Variants in FYN observed in about 807,000 individuals in gnomAD.
FYN encodes tyrosine-protein kinase Fyn.
A neutral mutation model predicts 70.2 loss-of-function variants in FYN; 10 were observed. The ratio of observed to expected loss-of-function variants is 0.14; its 90% CI spans 0.09 to 0.24. FYN has a LOEUF of 0.24. FYN is among the 10% of genes least tolerant of loss of function. The pLI, the probability that FYN is intolerant of heterozygous loss-of-function variation, is 1.00. For synonymous variants in FYN, 236 were observed against 248.6 expected, an observed-to-expected ratio of 0.95 and a Z score of 0.48; for missense variants, 319 against 673.1, an observed-to-expected ratio of 0.47 and a Z score of 5.82.
At chr6:111,824,738 T>C (rs1772779104) in intron 2 of FYN, among the ~76,000 whole-genome samples, 1 of 152,170 alleles carries the variant, frequency 6.6e-6, no homozygotes, top group Non-Finnish European at 1.5e-5. Flanking sequence ...CCTTCTTTCA[T>C]TTTCAGACCC....
intron 2 of FYN, among the ~76,000 whole-genome samples, chr6:111,787,562 A>C (rs1437801722): frequency 6.6e-6 from 1 of 152,208 alleles, no homozygotes; most frequent in Non-Finnish European, 1.5e-5. Flanking sequence ...CAGGCAACTG[A>C]CCAGTTCAAA....
At chr6:111,756,179 A>G (rs1039726480) in intron 3 of FYN, among the ~76,000 whole-genome samples, 20 of 152,170 alleles carry the variant, frequency 1.3e-4, no homozygotes, top group Admixed American at 2.0e-4. Flanking sequence ...AGATTCAGCA[A>G]GGATTAAATA....
At chr6:111,731,204 G>A (rs937314490) in intron 3 of FYN, among the ~76,000 whole-genome samples, 1 of 152,220 alleles carries the variant, frequency 6.6e-6, no homozygotes, top group African/African-American at 2.4e-5. Context: ...AGATGATTCT[G>A]CAAATGTGGC....
At chr6:111,770,572 A>G (rs1803405519) in intron 3 of FYN, among the ~76,000 whole-genome samples, 1 of 152,210 alleles carries the variant, frequency 6.6e-6, no homozygotes, top group East Asian at 1.9e-4. Flanking sequence ...GACCCAAGCT[A>G]ATCAGGTCTG....
At position 111,696,259 on chromosome 6, in the gene FYN, G is replaced by C. The variant is rs764593100; in HGVS notation, c.1042+18C>G. ...CTTAAGGCACTGTGAGCTGGAGACA[G>C]GAGAGGTGTTGCCCAACCTTTGTTC... On this transcript the variant is annotated intron_variant, in intron 10 of 13. Transcript: ENST00000354650. The C allele has an allele frequency of 5.6e-6, 9 of 1,593,102 alleles. No individual in the cohort carries two copies. The Admixed American group carries it at 1.6e-4, about 28-fold the overall frequency.
intron 2 of FYN, among the ~76,000 whole-genome samples, chr6:111,841,777 GA>G (rs1460654031): frequency 1.3e-5 from 2 of 151,162 alleles, no homozygotes; most frequent in Non-Finnish European, 3.0e-5. Flanking sequence ...TAGGAAGAGG[GA>G]TTTTTTTTTT....
rs141566671 is a variant in FYN at position 111,849,955 on chromosome 6, G to C, written c.-122-3326C>G. On this transcript the variant is annotated intron_variant, in intron 1 of 13. Transcript: ENST00000354650. Reference sequence around the variant, plus strand: ...TAGACTGTCAGCTTCTTGGTGACTGGGACTACACCAAGCATGGTACCTGCA... The same window carrying C: ...TAGACTGTCAGCTTCTTGGTGACTGCGACTACACCAAGCATGGTACCTGCA... Among the ~76,000 whole-genome samples, 616 of 152,282 alleles carry C rather than the reference G, an allele frequency of 4.0e-3. 7 individuals are homozygous for C. The highest frequency in any genetic ancestry group is 0.014 in the African/African-American group (596 of 41,542).
chr6:111,687,041 G>A (rs1799038158), intron 12 of FYN, among the ~76,000 whole-genome samples: 1 of 152,230 alleles, frequency 6.6e-6, no homozygotes, highest in South Asian at 2.1e-4. Flanking sequence ...AATGGCTACT[G>A]TGCTTTTTGA....
intron 2 of FYN, among the ~76,000 whole-genome samples, chr6:111,842,000 C>CAA (rs1562541391): frequency 6.6e-6 from 1 of 152,060 alleles, no homozygotes; most frequent in East Asian, 1.9e-4. Context: ...CACACACACA[C>CAA]ACACACACAC....
At chr6:111,778,592 G>A (rs1771043779) in intron 3 of FYN, among the ~76,000 whole-genome samples, 2 of 146,706 alleles carry the variant, frequency 1.4e-5, no homozygotes, top group Non-Finnish European at 1.5e-5. Context: ...TTTTTTAGAT[G>A]GCGTCTCGCT....
At chr6:111,870,276 C>T (rs1387835359) in intron 1 of FYN, among the ~76,000 whole-genome samples, 3 of 152,130 alleles carry the variant, frequency 2.0e-5, no homozygotes, top group Non-Finnish European at 4.4e-5. Context: ...AAACAGGTTA[C>T]GATGATAAGC....
intron 2 of FYN, among the ~76,000 whole-genome samples, chr6:111,807,910 C>G (rs112938874): frequency 2.6e-4 from 39 of 152,142 alleles, no homozygotes; most frequent in African/African-American, 9.4e-4. Context: ...GAGTTCAAGA[C>G]CAGCTTGGTC....
intron 12 of FYN, among the ~76,000 whole-genome samples, chr6:111,686,709 G>A (rs1168718600): frequency 6.6e-6 from 1 of 152,086 alleles, no homozygotes; most frequent in Non-Finnish European, 1.5e-5. Context: ...CACACTGTGC[G>A]GGAATGGCAA....
At chr6:111,763,913 T>A (rs1390599345) in intron 3 of FYN, among the ~76,000 whole-genome samples, 1 of 152,068 alleles carries the variant, frequency 6.6e-6, no homozygotes, top group Non-Finnish European at 1.5e-5. Context: ...TTAAATGCAA[T>A]AAGGTGTGGG....
Position 111,661,968 on chromosome 6 carries a change from A to G in FYN, c.1406-21T>C. 6.3e-7 allele frequency: 1 copy of G among 1,580,110 alleles called. No homozygotes were observed. Among genetic ancestry groups the G allele is most frequent in the Non-Finnish European group, 8.6e-7 (1 of 1,161,002 alleles). ...CATGCCTGCAAAGACAAGCGCAGTG[A>G]GAGTGGGCACCCCGGGGATCCAGGC... On this transcript the variant is annotated intron_variant, in intron 13 of 13. Coordinates refer to ENST00000354650, the MANE Select transcript of FYN (RefSeq NM_002037.5). The surrounding 1 kb of genome is among the most constrained non-coding windows in gnomAD (Gnocchi z 4.0).
chr6:111,729,920 T>A (rs924662262), intron 3 of FYN, among the ~76,000 whole-genome samples: 1 of 152,238 alleles, frequency 6.6e-6, no homozygotes, highest in African/African-American at 2.4e-5. Context: ...ATAATGAGAA[T>A]AAATCACCTT....
At position 111,699,980 on chromosome 6, in the gene FYN, C is replaced by A. The variant is rs3730351; in HGVS notation, c.862+124G>T. ...TAAAACCAAAACTGAAATTATTATT[C>A]CCCACTATTAGTAATTCAAACTTTC... On this transcript the variant is annotated intron_variant, in intron 9 of 13. Transcript: ENST00000354650. The A allele has an allele frequency of 3.1e-5, 18 of 581,158 alleles. No homozygotes were observed. In the South Asian group the frequency reaches 5.9e-4, roughly 19 times the overall value. The allele number at this position is 581,158 out of a possible 1,614,324, so 36.0% of individuals were successfully genotyped here. A position where few individuals can be genotyped will look rare whatever the true frequency, so the allele number is the denominator to read the frequency against.
At chr6:111,810,725 T>G (rs1772297263) in intron 2 of FYN, among the ~76,000 whole-genome samples, 2 of 152,190 alleles carry the variant, frequency 1.3e-5, no homozygotes, top group Non-Finnish European at 2.9e-5. Flanking sequence ...CCCTGCTCCC[T>G]GTGCCTCCCC....
intron 2 of FYN, among the ~76,000 whole-genome samples, chr6:111,843,683 A>G (rs1773431275): frequency 6.6e-6 from 1 of 152,072 alleles, no homozygotes; most frequent in Non-Finnish European, 1.5e-5. Flanking sequence ...CATGGTTTCC[A>G]CTCATTCATG....
Sources: allele counts gnomAD v4.1 joint callset (sites outside exome capture counted in the v4.1 genomes callset), GRCh38; gene constraint gnomAD v4.1.1; non-coding constraint Gnocchi (gnomAD v3.1); transcripts MANE v1.5; gene names NCBI Gene and HGNC (gene_info 2026-07-23, HGNC 2026-07-21).